KLF8: variants seen among roughly 807,000 people sequenced by gnomAD.
The protein encoded by KLF8 is KLF transcription factor 8, also known as Krueppel-like factor 8.
A neutral mutation model predicts 18.2 loss-of-function variants in KLF8; 10 were observed. The observed-to-expected ratio is 0.55, with a 90% CI of 0.34 to 0.93. The LOEUF (loss-of-function observed/expected upper bound fraction) is 0.93, where lower values mean the gene tolerates loss of function less well. KLF8 is among the 40% of genes least tolerant of loss of function. KLF8 has a pLI of 0.02. For synonymous variants in KLF8, 109 were observed against 97.3 expected (o/e 1.12, Z -0.71); for missense variants, 264 against 277.9 (o/e 0.95, Z 0.36).
the KLF8 span, among the ~76,000 whole-genome samples, chrX:56,046,100 T>C: frequency 8.9e-6 from 1 of 111,825 alleles, no homozygotes; most frequent in East Asian, 2.8e-4. Flanking sequence ...TCTTTTGAGA[T>C]GATTGTATGA....
chrX:56,257,219 A>G (rs1297104563), intron 2 of KLF8, among the ~76,000 whole-genome samples: 2 of 111,146 alleles, frequency 1.8e-5, no homozygotes, highest in Non-Finnish European at 3.8e-5. Flanking sequence ...TTTGTCACCT[A>G]ACGTATAGTC....
At chrX:56,205,689 C>A in the KLF8 span, among the ~76,000 whole-genome samples, 1 of 111,697 alleles carries the variant, frequency 9.0e-6, no homozygotes, top group African/African-American at 3.3e-5. Flanking sequence ...TTAAAGTATT[C>A]CCTTTTCACC....
chrX:55,981,495 A>C, the KLF8 span, among the ~76,000 whole-genome samples: 2 of 112,518 alleles, frequency 1.8e-5, no homozygotes, highest in Non-Finnish European at 3.8e-5. Flanking sequence ...AAAGAAGTCT[A>C]TATTTTGGTG....
chrX:56,243,994 T>C (rs780596625), intron 1 of KLF8, among the ~76,000 whole-genome samples: 1 of 111,631 alleles, frequency 9.0e-6, no homozygotes, highest in East Asian at 2.8e-4. Flanking sequence ...AGTTGGTTTA[T>C]AGCAACCATT....
At chrX:55,952,204 C>T in the KLF8 span, among the ~76,000 whole-genome samples, 3 of 111,898 alleles carry the variant, frequency 2.7e-5, no homozygotes, top group African/African-American at 3.2e-5. Flanking sequence ...TGACTGGAGA[C>T]CATATGTTGC....
chrX:55,997,954 G>A, the KLF8 span, among the ~76,000 whole-genome samples: 16 of 111,421 alleles, frequency 1.4e-4, no homozygotes, highest in African/African-American at 4.9e-4. Flanking sequence ...TTGATCATTC[G>A]TGGGTGTTTC....
chrX:56,155,511 G>A, the KLF8 span, among the ~76,000 whole-genome samples: 6 of 110,564 alleles, frequency 5.4e-5, no homozygotes, highest in Admixed American at 3.9e-4. Context: ...TGTAAATGAC[G>A]AGTTAATGGG....
chrX:56,111,232 T>C, the KLF8 span, among the ~76,000 whole-genome samples: 1 of 112,494 alleles, frequency 8.9e-6, no homozygotes, highest in East Asian at 2.8e-4. Flanking sequence ...GATGCATTAT[T>C]GCAGATCACT....
the KLF8 span, among the ~76,000 whole-genome samples, chrX:55,952,723 G>A: frequency 3.6e-5 from 4 of 111,826 alleles, no homozygotes; most frequent in Non-Finnish European, 7.5e-5. Flanking sequence ...GCTTCTTTGG[G>A]GGAGGTCCTC....
the KLF8 span, among the ~76,000 whole-genome samples, chrX:56,183,368 C>T: frequency 9.8e-5 from 11 of 112,023 alleles, no homozygotes; most frequent in South Asian, 3.7e-4. Context: ...TACTGTCTAT[C>T]GCGGCTCCCC....
chrX:56,005,040 T>C, the KLF8 span, among the ~76,000 whole-genome samples: 4 of 107,533 alleles, frequency 3.7e-5, no homozygotes, highest in African/African-American at 1.4e-4. Context: ...ATTATTATTA[T>C]TATTATTATT....
the KLF8 span, among the ~76,000 whole-genome samples, chrX:56,179,798 G>A: frequency 1.8e-5 from 2 of 111,748 alleles, no homozygotes; most frequent in South Asian, 3.8e-4. Flanking sequence ...TACATTCATC[G>A]ATTTGGGTAT....
At chrX:56,168,220 C>T in the KLF8 span, among the ~76,000 whole-genome samples, 1 of 112,004 alleles carries the variant, frequency 8.9e-6, no homozygotes, top group Non-Finnish European at 1.9e-5. Context: ...ATTCAGTAAA[C>T]AAAGTCAACA....
the KLF8 span, among the ~76,000 whole-genome samples, chrX:56,077,611 A>T: frequency 8.9e-6 from 1 of 111,745 alleles, no homozygotes; most frequent in South Asian, 3.8e-4. Context: ...CTTAGGATTG[A>T]CTTGCCGATG....
At chrX:56,118,309 A>G in the KLF8 span, among the ~76,000 whole-genome samples, 9 of 111,831 alleles carry the variant, frequency 8.0e-5, no homozygotes, top group Non-Finnish European at 1.3e-4. Context: ...ATTGCTCAAT[A>G]TAAGTCAGCT....
chrX:55,986,693 A>C, the KLF8 span, among the ~76,000 whole-genome samples: 1 of 111,512 alleles, frequency 9.0e-6, no homozygotes, highest in Admixed American at 9.6e-5. Context: ...AGATTATTTG[A>C]TTTTTTCAAC....
At chrX:56,009,986 T>C in the KLF8 span, among the ~76,000 whole-genome samples, 1 of 112,063 alleles carries the variant, frequency 8.9e-6, no homozygotes, top group Non-Finnish European at 1.9e-5. Flanking sequence ...TATGACTGAT[T>C]GGGGTACCTG....
the KLF8 span, among the ~76,000 whole-genome samples, chrX:56,103,994 G>A: frequency 8.9e-6 from 1 of 111,779 alleles, no homozygotes; most frequent in African/African-American, 3.2e-5. Context: ...CTTTGGTTCT[G>A]TTTATATGCT....
chrX:56,041,900 G>A, the KLF8 span, among the ~76,000 whole-genome samples: 9 of 111,546 alleles, frequency 8.1e-5, no homozygotes, highest in Admixed American at 5.7e-4. Flanking sequence ...ATGTTAGCCA[G>A]ATGGTCTTGA....
Sources: gnomAD v4.1 joint callset for allele counts (sites outside exome capture counted in the v4.1 genomes callset) on GRCh38, gnomAD v4.1.1 for gene constraint, MANE v1.5 for transcripts, NCBI Gene and HGNC (gene_info 2026-07-23, HGNC 2026-07-21) for gene names.